NCKAP5: variants seen among roughly 807,000 people sequenced by gnomAD.
The protein encoded by NCKAP5 is nck-associated protein 5.
A neutral mutation model predicts 167.0 loss-of-function variants in NCKAP5; 92 were observed. The observed-to-expected ratio is 0.55, with a 90% CI of 0.47 to 0.66. The LOEUF (loss-of-function observed/expected upper bound fraction) is 0.66. NCKAP5 is among the 30% of genes least tolerant of loss of function. The probability of loss-of-function intolerance (pLI) is 0.00; values close to 1 mark genes in which losing one functional copy is unlikely to be tolerated. For synonymous variants in NCKAP5, 891 were observed against 877.4 expected (o/e 1.02, Z -0.27); for missense variants, 2,378 against 2,315.0 (o/e 1.03, Z -0.56).
chr2:133,021,942 T>C (rs1447661671), intron 6 of NCKAP5, among the ~76,000 whole-genome samples: 4 of 152,196 alleles, frequency 2.6e-5, no homozygotes, highest in African/African-American at 4.8e-5. Flanking sequence ...AAACTCTAGT[T>C]CTTAAGCAAG....
At chr2:133,236,070 C>CAAAAAA (rs527705526) in intron 4 of NCKAP5, among the ~76,000 whole-genome samples, 227 of 15,674 alleles carry the variant, frequency 0.014, 55 homozygotes, top group Non-Finnish European at 0.019. Flanking sequence ...TGTCTCAGAC[C>CAAAAAA]AAAAAAAAAA....
At chr2:133,260,485 A>G (rs2088846029) in intron 4 of NCKAP5, among the ~76,000 whole-genome samples, 1 of 152,192 alleles carries the variant, frequency 6.6e-6, no homozygotes, top group Non-Finnish European at 1.5e-5. Flanking sequence ...AAAGATCAAA[A>G]TTCATAGGTG....
intron 16 of NCKAP5, among the ~76,000 whole-genome samples, chr2:132,758,009 T>C (rs776446621): frequency 2.6e-5 from 4 of 152,198 alleles, no homozygotes; most frequent in Admixed American, 6.5e-5. Flanking sequence ...TTTTACAAAC[T>C]TCCCCCTTTC....
At chr2:133,274,216 C>T (rs974088006) in intron 4 of NCKAP5, among the ~76,000 whole-genome samples, 2 of 151,420 alleles carry the variant, frequency 1.3e-5, no homozygotes, top group African/African-American at 4.9e-5. Context: ...GAACAATATA[C>T]CAAAATGGAT....
chr2:133,303,587 T>C (rs368131225), intron 3 of NCKAP5, among the ~76,000 whole-genome samples: 4 of 152,288 alleles, frequency 2.6e-5, no homozygotes, highest in African/African-American at 7.2e-5. Context: ...TATACACTAA[T>C]GGACATGTCC....
intron 6 of NCKAP5, among the ~76,000 whole-genome samples, chr2:133,115,738 T>G (rs1270710667): frequency 6.9e-6 from 1 of 145,274 alleles, no homozygotes; most frequent in Non-Finnish European, 1.5e-5. Flanking sequence ...ACAAATTCCA[T>G]TTATCTGGAG....
intron 3 of NCKAP5, among the ~76,000 whole-genome samples, chr2:133,422,470 T>C (rs1232310558): frequency 2.0e-5 from 3 of 152,152 alleles, no homozygotes; most frequent in Non-Finnish European, 2.9e-5. Context: ...GGGGGATTCT[T>C]CCAAGAGCCG....
At chr2:133,627,565 A>G in the NCKAP5 span, among the ~76,000 whole-genome samples, 1 of 152,006 alleles carries the variant, frequency 6.6e-6, no homozygotes, top group Non-Finnish European at 1.5e-5. Flanking sequence ...ACCTGAGGCC[A>G]GGAGTTTGAG....
intron 19 of NCKAP5, among the ~76,000 whole-genome samples, chr2:132,698,570 C>T (rs543043695): frequency 6.6e-5 from 10 of 152,270 alleles, no homozygotes; most frequent in Admixed American, 3.3e-4. Flanking sequence ...AGCTGTGGCT[C>T]ACACCTGTAA....
chr2:133,317,240 CA>C (rs1408666711), intron 3 of NCKAP5, among the ~76,000 whole-genome samples: 1 of 151,930 alleles, frequency 6.6e-6, no homozygotes, highest in African/African-American at 2.4e-5. Flanking sequence ...AACCAGAACC[CA>C]AAACACATCC....
At chr2:133,528,246 A>T (rs867619884) in intron 2 of NCKAP5, among the ~76,000 whole-genome samples, 1 of 152,080 alleles carries the variant, frequency 6.6e-6, no homozygotes, top group East Asian at 1.9e-4. Context: ...ATACACACAC[A>T]TATAGTCATT....
At chr2:133,509,601 G>A (rs73003136) in intron 3 of NCKAP5, among the ~76,000 whole-genome samples, 16,088 of 152,238 alleles carry the variant, frequency 0.11, 1,617 homozygotes, top group African/African-American at 0.27. Context: ...GGAATACAAT[G>A]TGAATATGAC....
chr2:133,221,481 T>C (rs2086661564), intron 4 of NCKAP5, among the ~76,000 whole-genome samples: 1 of 152,256 alleles, frequency 6.6e-6, no homozygotes, highest in South Asian at 2.1e-4. Flanking sequence ...AAACACTTAA[T>C]GTGAGTTTAC....
chr2:133,608,151 T>C, the NCKAP5 span, among the ~76,000 whole-genome samples: 21 of 152,210 alleles, frequency 1.4e-4, no homozygotes, highest in Admixed American at 6.5e-5. Context: ...ATGGCTTTTA[T>C]GTCCATAAAA....
At chr2:133,627,992 T>C in the NCKAP5 span, among the ~76,000 whole-genome samples, 1 of 152,126 alleles carries the variant, frequency 6.6e-6, no homozygotes, top group Non-Finnish European at 1.5e-5. Context: ...TACTTGTGCA[T>C]TCAAAAGAAT....
chr2:133,113,583 T>C (rs911788195), intron 6 of NCKAP5, among the ~76,000 whole-genome samples: 5 of 152,232 alleles, frequency 3.3e-5, no homozygotes, highest in African/African-American at 1.2e-4. Context: ...CCCTGCATCA[T>C]GGGGTTATGC....
chr2:133,329,948 C>A (rs1559388808), intron 3 of NCKAP5, among the ~76,000 whole-genome samples: 1 of 151,394 alleles, frequency 6.6e-6, no homozygotes, highest in Non-Finnish European at 1.5e-5. Context: ...CCTGAACAAC[C>A]TTTTACCGGA....
At chr2:132,698,457 T>C (rs1687550041) in intron 19 of NCKAP5, among the ~76,000 whole-genome samples, 1 of 152,090 alleles carries the variant, frequency 6.6e-6, no homozygotes, top group African/African-American at 2.4e-5. Context: ...TTATATTTAG[T>C]ATGGGGGAAT....
chr2:133,102,297 C>A (rs769893971), intron 6 of NCKAP5, among the ~76,000 whole-genome samples: 7 of 152,106 alleles, frequency 4.6e-5, no homozygotes, highest in South Asian at 2.1e-4. Flanking sequence ...TAGGCACGTG[C>A]CACCAAGCCT....
Sources: allele counts gnomAD v4.1 joint callset (sites outside exome capture counted in the v4.1 genomes callset), GRCh38; gene constraint gnomAD v4.1.1; transcripts MANE v1.5; gene names NCBI Gene and HGNC (gene_info 2026-07-23, HGNC 2026-07-21).